PRKCI: variants seen among roughly 807,000 people sequenced by gnomAD.
The protein encoded by PRKCI is protein kinase C iota type.
A neutral mutation model predicts 84.0 loss-of-function variants in PRKCI; 43 were observed. The ratio of observed to expected loss-of-function variants is 0.51; its 90% CI spans 0.40 to 0.66. PRKCI has a LOEUF of 0.66. Ranked by LOEUF, PRKCI falls within the 30% of genes least tolerant of loss-of-function variation. The pLI is 0.00. For synonymous variants in PRKCI, 216 were observed against 234.4 expected, an observed-to-expected ratio of 0.92 and a Z score of 0.72; for missense variants, 459 against 745.6, an observed-to-expected ratio of 0.62 and a Z score of 4.48.
intron 6 of PRKCI, among the ~76,000 whole-genome samples, chr3:170,272,396 G>A (rs963563066): frequency 2.6e-5 from 4 of 152,096 alleles, no homozygotes; most frequent in Non-Finnish European, 2.9e-5. Context: ...GGTTATTACC[G>A]GTAGCTCTTT....
intron 2 of PRKCI, among the ~76,000 whole-genome samples, chr3:170,244,574 A>G (rs1733221508): frequency 6.6e-6 from 1 of 152,162 alleles, no homozygotes; most frequent in African/African-American, 2.4e-5. Flanking sequence ...ATTGTTTAAC[A>G]TGAGGAGGGG....
chr3:170,271,462 T>C (rs1353468972), intron 6 of PRKCI, among the ~76,000 whole-genome samples: 1 of 152,242 alleles, frequency 6.6e-6, no homozygotes, highest in African/African-American at 2.4e-5. Context: ...ATAAATATTA[T>C]AATTTTGTTT....
intron 12 of PRKCI, among the ~76,000 whole-genome samples, chr3:170,288,008 A>T (rs984805083): frequency 5.5e-4 from 83 of 150,296 alleles, no homozygotes; most frequent in African/African-American, 1.8e-3. Flanking sequence ...GCATTTTGGG[A>T]GGCCGAGGCA....
At chr3:170,275,312 A>T (rs372017990) in intron 8 of PRKCI, 25 bp downstream of exon 8, 1 of 1,578,848 alleles carries the variant, frequency 6.3e-7, no homozygotes. Context: ...CTTATTGTAC[A>T]TTATATCATT....
intron 2 of PRKCI, among the ~76,000 whole-genome samples, chr3:170,259,510 C>T (rs1007073237): frequency 5.9e-5 from 9 of 151,764 alleles, no homozygotes; most frequent in African/African-American, 1.7e-4. Flanking sequence ...AAATAAATAT[C>T]TAAATATTTG....
intron 8 of PRKCI, among the ~76,000 whole-genome samples, chr3:170,276,264 AAACAATAATAT>A (rs1734112015): frequency 6.6e-6 from 1 of 152,082 alleles, no homozygotes; most frequent in Non-Finnish European, 1.5e-5. Context: ...AAATAAAAGT[AAACAATAATAT>A]AACAAAGCCC....
In PRKCI at chr3:170,281,668, AGAAC is replaced by A. The variant is rs1321185550; in HGVS notation, c.981-213_981-210del. On this transcript the variant is annotated intron_variant, in intron 10 of 17. Coordinates refer to ENST00000295797, the MANE Select transcript of PRKCI (RefSeq NM_002740.6). ...TCTGGATTGCAAGTGGTACTACTTTAGAACAGAAGTAGTAGGTTACAAAATTATT... is the reference window on the plus strand; with the variant it reads ...TCTGGATTGCAAGTGGTACTACTTTAAGAAGTAGTAGGTTACAAAATTATT... The A allele has an allele frequency of 9.6e-6, 5 of 519,636 alleles. No individual in the cohort carries two copies. In the East Asian group the frequency reaches 1.3e-4, roughly 14 times the overall value. 32.2% of individuals were successfully genotyped at this position (519,636 alleles called of 1,614,324 possible). A position where few individuals can be genotyped will look rare whatever the true frequency, so the allele number is the denominator to read the frequency against.
At chr3:170,228,602 A>AATATAT (rs549146564) in intron 1 of PRKCI, among the ~76,000 whole-genome samples, 27 of 130,638 alleles carry the variant, frequency 2.1e-4, no homozygotes, top group African/African-American at 7.9e-4. Flanking sequence ...CACACACACA[A>AATATAT]ATATATATAT....
intron 7 of PRKCI, 48 bp downstream of exon 7, chr3:170,273,388 G>T: frequency 2.6e-6 from 4 of 1,560,616 alleles, no homozygotes; most frequent in Non-Finnish European, 3.5e-6. Flanking sequence ...AGAGTAGCAT[G>T]TAAAGACTTA....
chr3:170,294,685 C>A (rs1734650502), intron 14 of PRKCI, among the ~76,000 whole-genome samples: 1 of 152,152 alleles, frequency 6.6e-6, no homozygotes, highest in Admixed American at 6.6e-5. Context: ...AACCTCATAA[C>A]AATCCTATGA....
At chr3:170,232,685 C>T (rs1732834017) in intron 1 of PRKCI, among the ~76,000 whole-genome samples, 1 of 151,908 alleles carries the variant, frequency 6.6e-6, no homozygotes, top group Non-Finnish European at 1.5e-5. Context: ...TCGTGAGTAG[C>T]TGGGACTACG....
intron 12 of PRKCI, among the ~76,000 whole-genome samples, chr3:170,287,358 AAT>A (rs1560183789): frequency 6.6e-6 from 1 of 151,442 alleles, no homozygotes; most frequent in Non-Finnish European, 1.5e-5. Flanking sequence ...GAGAGTAATA[AAT>A]ATATATATGT....
intron 7 of PRKCI, 151 bp from the exon 8 acceptor site, chr3:170,275,078 A>C: frequency 1.1e-6 from 1 of 896,172 alleles, no homozygotes; most frequent in Non-Finnish European, 1.5e-6. Flanking sequence ...TAGGACAGAT[A>C]GTCAGTTTTA....
rs192624094 is a variant in PRKCI at position 170,227,180 on chromosome 3, T to G, written c.101+4410T>G. 6.3e-4 allele frequency among the ~76,000 whole-genome samples: 96 copies of G among 152,176 alleles called. No individual in the cohort carries two copies. In the East Asian group the frequency reaches 0.018, roughly 28 times the overall value. ...CCTCCTTTTACAACTTTAGTGTCTG[T>G]TTTTTTTATGATTGAAATGAGCCTA... On this transcript the variant is annotated intron_variant, in intron 1 of 17. Coordinates refer to ENST00000295797, the MANE Select transcript of PRKCI (RefSeq NM_002740.6).
At position 170,222,582 on chromosome 3, in the gene PRKCI, G is replaced by C. The variant is rs1012807149; in HGVS notation, c.-88G>C. 3.3e-6 allele frequency: 4 copies of C among 1,195,874 alleles called. No homozygotes were observed. Among genetic ancestry groups the C allele is most frequent in the Non-Finnish European group, 4.6e-6 (4 of 875,694 alleles). 74.1% of individuals were successfully genotyped at this position (1,195,874 alleles called of 1,614,324 possible). A position where few individuals can be genotyped will look rare whatever the true frequency, so the allele number is the denominator to read the frequency against. On this transcript the variant is annotated 5_prime_UTR_variant, in exon 1 of 18. Transcript: ENST00000295797. Reference sequence around the variant, plus strand: ...GGTGGGCGGACGGCCGCGGTTCTCCGGCAAGCGCAGGCGGCGGAGTCCCCC... The same window carrying C: ...GGTGGGCGGACGGCCGCGGTTCTCCCGCAAGCGCAGGCGGCGGAGTCCCCC...
chr3:170,256,157 T>C (rs1380720844), intron 2 of PRKCI, among the ~76,000 whole-genome samples: 4 of 152,170 alleles, frequency 2.6e-5, no homozygotes, highest in Non-Finnish European at 5.9e-5. Flanking sequence ...TTTTGACATA[T>C]TTGTCTGGTT....
intron 2 of PRKCI, among the ~76,000 whole-genome samples, chr3:170,258,847 A>G (rs1396615303): frequency 6.6e-6 from 1 of 152,234 alleles, no homozygotes; most frequent in African/African-American, 2.4e-5. Flanking sequence ...GAAAAATTTG[A>G]TAAAATGATT....
intron 1 of PRKCI, among the ~76,000 whole-genome samples, chr3:170,234,502 C>T (rs1048237296): frequency 3.9e-5 from 6 of 152,216 alleles, no homozygotes; most frequent in South Asian, 4.2e-4. Flanking sequence ...AGTTATATTT[C>T]GATGATATCC....
At chr3:170,287,874 A>G (rs1329193583) in intron 12 of PRKCI, among the ~76,000 whole-genome samples, 2 of 142,514 alleles carry the variant, frequency 1.4e-5, no homozygotes, top group African/African-American at 5.4e-5. Context: ...GTGCCACTGC[A>G]CTCCAGTCTG....
Sources: allele counts gnomAD v4.1 joint callset (sites outside exome capture counted in the v4.1 genomes callset), GRCh38; gene constraint gnomAD v4.1.1; transcripts MANE v1.5; gene names NCBI Gene and HGNC (gene_info 2026-07-23, HGNC 2026-07-21).